OR9Q1: variants seen among roughly 807,000 people sequenced by gnomAD.
OR9Q1 encodes olfactory receptor 9Q1.
For missense variants in OR9Q1, 374 were observed against 378.8 expected, an observed-to-expected ratio of 0.99 and a Z score of 0.11; for synonymous variants, 153 against 148.6, an observed-to-expected ratio of 1.03 and a Z score of -0.22.
intron 2 of OR9Q1, among the ~76,000 whole-genome samples, chr11:58,163,090 A>G (rs1005329090): frequency 3.9e-5 from 6 of 152,228 alleles, no homozygotes; most frequent in African/African-American, 1.4e-4. Flanking sequence ...TCCTATGGTG[A>G]AAATGAAGCC....
chr11:58,035,411 A>G (rs1409965597), intron 1 of OR9Q1, among the ~76,000 whole-genome samples: 4 of 152,286 alleles, frequency 2.6e-5, no homozygotes, highest in Non-Finnish European at 1.5e-5. Flanking sequence ...CTGCTCCCCT[A>G]TGTCAGTTGG....
intron 2 of OR9Q1, chr11:58,059,898 C>T (rs1041506592): frequency 1.3e-5 from 2 of 152,080 alleles, no homozygotes; most frequent in African/African-American, 2.4e-5. Context: ...ACCCTACTTA[C>T]GAAGAGCGTG....
chr11:58,155,724 T>C (rs1452531926), intron 2 of OR9Q1, among the ~76,000 whole-genome samples: 2 of 152,182 alleles, frequency 1.3e-5, no homozygotes, highest in African/African-American at 4.8e-5. Flanking sequence ...AACAGTGGAA[T>C]AGGTATAATA....
intron 1 of OR9Q1, among the ~76,000 whole-genome samples, chr11:58,046,909 T>C (rs1853222465): frequency 6.6e-6 from 1 of 152,120 alleles, no homozygotes; most frequent in Admixed American, 6.6e-5. Context: ...TGACCTTAGA[T>C]ACTTAGGGGT....
intron 1 of OR9Q1, among the ~76,000 whole-genome samples, chr11:58,042,299 A>G (rs1163533757): frequency 2.6e-5 from 4 of 152,036 alleles, no homozygotes; most frequent in Non-Finnish European, 5.9e-5. Flanking sequence ...TAAGTCTTTA[A>G]TCCATCTTGA....
chr11:58,135,446 C>T (rs1051247589), intron 2 of OR9Q1, among the ~76,000 whole-genome samples: 5 of 152,164 alleles, frequency 3.3e-5, no homozygotes, highest in African/African-American at 4.8e-5. Context: ...CTGAAGTCCA[C>T]CCTGACACAT....
At chr11:58,168,734 A>T (rs529586730) in intron 2 of OR9Q1, among the ~76,000 whole-genome samples, 312 of 152,286 alleles carry the variant, frequency 2.0e-3, no homozygotes, top group Non-Finnish European at 4.1e-3. Flanking sequence ...AAAAATTTTT[A>T]AAATTTATCT....
intron 2 of OR9Q1, among the ~76,000 whole-genome samples, chr11:58,170,917 C>A (rs1854548672): frequency 6.6e-6 from 1 of 151,992 alleles, no homozygotes; most frequent in Non-Finnish European, 1.5e-5. Flanking sequence ...TTTAGAAGTT[C>A]AATTAGTTCC....
At chr11:58,129,718 T>C (rs1565085065) in intron 2 of OR9Q1, among the ~76,000 whole-genome samples, 1 of 152,170 alleles carries the variant, frequency 6.6e-6, no homozygotes, top group Non-Finnish European at 1.5e-5. Context: ...AGACCTTTTC[T>C]GACCTCCAGA....
chr11:58,026,373 T>C (rs1033886002), intron 1 of OR9Q1, among the ~76,000 whole-genome samples: 1 of 152,160 alleles, frequency 6.6e-6, no homozygotes, highest in Admixed American at 6.5e-5. Flanking sequence ...ATGGTACATG[T>C]GCAGGCTTGT....
At chr11:58,142,248 C>T (rs1410403184) in intron 2 of OR9Q1, among the ~76,000 whole-genome samples, 1 of 151,958 alleles carries the variant, frequency 6.6e-6, no homozygotes, top group Non-Finnish European at 1.5e-5. Flanking sequence ...ATATATATGC[C>T]AGGCTCCACG....
intron 2 of OR9Q1, among the ~76,000 whole-genome samples, chr11:58,129,668 T>G (rs1207891344): frequency 6.6e-6 from 1 of 152,168 alleles, no homozygotes; most frequent in Non-Finnish European, 1.5e-5. Flanking sequence ...CGCTTGTGTC[T>G]TCTTTTCATG....
At chr11:58,171,432 C>T (rs1854554116) in intron 2 of OR9Q1, 1 of 152,212 alleles carries the variant, frequency 6.6e-6, no homozygotes, top group Non-Finnish European at 1.5e-5. Context: ...ATCCTGTTCT[C>T]TGACTTGTTC....
At chr11:58,038,049 A>C (rs1853125918) in intron 1 of OR9Q1, among the ~76,000 whole-genome samples, 1 of 151,568 alleles carries the variant, frequency 6.6e-6, no homozygotes, top group African/African-American at 2.4e-5. Context: ...TATATTTTTG[A>C]GATAAATTAC....
intron 2 of OR9Q1, among the ~76,000 whole-genome samples, chr11:58,099,954 G>C (rs1853767747): frequency 6.6e-6 from 1 of 152,104 alleles, no homozygotes; most frequent in Admixed American, 6.5e-5. Flanking sequence ...CCCAAATTTA[G>C]TTACTTAAAA....
chr11:58,064,768 T>C (rs914083653), intron 2 of OR9Q1, among the ~76,000 whole-genome samples: 3 of 151,888 alleles, frequency 2.0e-5, no homozygotes, highest in Non-Finnish European at 4.4e-5. Flanking sequence ...GGAGTTAGAT[T>C]TGGCCAGTAG....
intron 2 of OR9Q1, among the ~76,000 whole-genome samples, chr11:58,099,999 A>G (rs1239067976): frequency 6.6e-6 from 1 of 152,168 alleles, no homozygotes; most frequent in Admixed American, 6.6e-5. Flanking sequence ...TATTTTGTAA[A>G]TCACATTAGA....
At chr11:58,092,653 G>A (rs187485727) in intron 2 of OR9Q1, among the ~76,000 whole-genome samples, 89 of 151,818 alleles carry the variant, frequency 5.9e-4, no homozygotes, top group Middle Eastern at 3.4e-3. Flanking sequence ...TTCTTTTTTC[G>A]TTTCTCCTTT....
chr11:58,154,120 A>AAGG (rs950205445), intron 2 of OR9Q1, among the ~76,000 whole-genome samples: 1 of 149,506 alleles, frequency 6.7e-6, no homozygotes. Flanking sequence ...GAGGAGGGGG[A>AAGG]AGGAGGAGGA....
Sources: gnomAD v4.1 joint callset for allele counts (sites outside exome capture counted in the v4.1 genomes callset) on GRCh38, gnomAD v4.1.1 for gene constraint, MANE v1.5 for transcripts, NCBI Gene and HGNC (gene_info 2026-07-23, HGNC 2026-07-21) for gene names.